PXDNL: variants seen among roughly 807,000 people sequenced by gnomAD.
The protein encoded by PXDNL is probable oxidoreductase PXDNL.
Under a neutral mutation model 150.8 loss-of-function variants are expected in PXDNL, and 145 were observed. The observed-to-expected ratio is 0.96, with a 90% confidence interval of 0.84 to 1.10. PXDNL has a LOEUF of 1.10. PXDNL is among the 50% of genes least tolerant of loss of function. The pLI, the probability that PXDNL is intolerant of heterozygous loss-of-function variation, is 0.00. For missense variants in PXDNL, 2,087 were observed against 1,873.9 expected, an observed-to-expected ratio of 1.11 and a Z score of -2.10; for synonymous variants, 757 against 725.7, an observed-to-expected ratio of 1.04 and a Z score of -0.69.
chr8:51,726,590 C>G (rs2130926200), intron 1 of PXDNL, among the ~76,000 whole-genome samples: 2 of 152,302 alleles, frequency 1.3e-5, no homozygotes, highest in South Asian at 4.1e-4. Flanking sequence ...TGCCGTTCAC[C>G]TGAACTATTC....
At chr8:51,707,178 G>A (rs753707823) in intron 1 of PXDNL, among the ~76,000 whole-genome samples, 9 of 151,962 alleles carry the variant, frequency 5.9e-5, no homozygotes, top group East Asian at 3.9e-4. Flanking sequence ...TGTTTTGCTC[G>A]CTCTCTCTCT....
Position 51,781,541 on chromosome 8 carries a change from T to C in PXDNL, c.164+27640A>G, listed in dbSNP as rs7822694. Among the ~76,000 whole-genome samples, 71 of 152,326 alleles carry C rather than the reference T, an allele frequency of 4.7e-4. 1 individual carries two copies. The highest frequency in any genetic ancestry group is 3.4e-3 in the Middle Eastern group (1 of 294). ...AGTTGTAGGGTTTGGTCTCTTGATA[T>C]TGATTCACTTTACAATTTTTCTGAT... On this transcript the variant is annotated intron_variant, in intron 1 of 22. Coordinates refer to ENST00000356297, the MANE Select transcript of PXDNL (RefSeq NM_144651.5).
intron 1 of PXDNL, among the ~76,000 whole-genome samples, chr8:51,720,838 G>T (rs897963210): frequency 1.3e-5 from 2 of 152,230 alleles, no homozygotes; most frequent in African/African-American, 4.8e-5. Flanking sequence ...CCCTGTGCAG[G>T]CTCCTGCCTA....
chr8:51,726,567 CA>C (rs1816821123), intron 1 of PXDNL, among the ~76,000 whole-genome samples: 1 of 152,174 alleles, frequency 6.6e-6, no homozygotes, highest in South Asian at 2.1e-4. Context: ...CCTTTTTATT[CA>C]TCACTATTCT....
intron 4 of PXDNL, among the ~76,000 whole-genome samples, chr8:51,520,841 G>A (rs1003194741): frequency 3.9e-5 from 6 of 152,000 alleles, no homozygotes; most frequent in African/African-American, 1.5e-4. Context: ...TCATAAAAAC[G>A]CAAACATTCC....
At chr8:51,699,157 T>C (rs1294931214) in intron 1 of PXDNL, among the ~76,000 whole-genome samples, 1 of 152,146 alleles carries the variant, frequency 6.6e-6, no homozygotes, top group East Asian at 1.9e-4. Context: ...AGTCAATCTG[T>C]CCTTCGAAGA....
At chr8:51,335,366 C>G (rs573036173) in intron 21 of PXDNL, among the ~76,000 whole-genome samples, 1 of 151,956 alleles carries the variant, frequency 6.6e-6, no homozygotes, top group Non-Finnish European at 1.5e-5. Flanking sequence ...TGGAAGGAGA[C>G]GCCGATACTA....
At chr8:51,690,276 T>C (rs569041176) in intron 1 of PXDNL, among the ~76,000 whole-genome samples, 22 of 152,070 alleles carry the variant, frequency 1.4e-4, no homozygotes, top group Non-Finnish European at 2.8e-4. Flanking sequence ...CCCATTAACT[T>C]GTCATTTAGC....
intron 1 of PXDNL, among the ~76,000 whole-genome samples, chr8:51,802,705 G>C (rs1287830875): frequency 1.3e-5 from 2 of 152,166 alleles, no homozygotes; most frequent in Non-Finnish European, 2.9e-5. Flanking sequence ...TCTGTGATTT[G>C]AATTTTGGTC....
At chr8:51,344,472 G>C (rs1182921477) in intron 20 of PXDNL, among the ~76,000 whole-genome samples, 1 of 151,868 alleles carries the variant, frequency 6.6e-6, no homozygotes, top group Non-Finnish European at 1.5e-5. Flanking sequence ...TTTCAGACTT[G>C]GACTCCCCTA....
intron 3 of PXDNL, among the ~76,000 whole-genome samples, chr8:51,580,168 G>A (rs1449657608): frequency 6.6e-6 from 1 of 152,000 alleles, no homozygotes; most frequent in African/African-American, 2.4e-5. Context: ...TGGGCAGAGG[G>A]AAGCGAATGC....
chr8:51,744,272 G>A (rs1481923854), intron 1 of PXDNL, among the ~76,000 whole-genome samples: 2 of 88,532 alleles, frequency 2.3e-5, no homozygotes, highest in Non-Finnish European at 4.6e-5. Context: ...GAGAAAGAAA[G>A]GAAGGAAGGA....
chr8:51,485,009 G>A (rs1810697036), intron 5 of PXDNL, among the ~76,000 whole-genome samples: 1 of 152,170 alleles, frequency 6.6e-6, no homozygotes, highest in Admixed American at 6.5e-5. Context: ...ATTTATATCT[G>A]AAACTTAACT....
intron 3 of PXDNL, among the ~76,000 whole-genome samples, chr8:51,573,807 T>TA (rs1338682342): frequency 2.0e-5 from 3 of 151,882 alleles, no homozygotes; most frequent in Non-Finnish European, 4.4e-5. Context: ...AATGTGACTG[T>TA]ATTTGAAGAT....
intron 3 of PXDNL, among the ~76,000 whole-genome samples, chr8:51,559,706 G>T (rs1476125638): frequency 1.3e-5 from 2 of 151,930 alleles, no homozygotes; most frequent in Non-Finnish European, 2.9e-5. Flanking sequence ...ATCCTGATGA[G>T]AACTTAAGAT....
intron 2 of PXDNL, among the ~76,000 whole-genome samples, chr8:51,623,670 C>T (rs1371344894): frequency 6.6e-5 from 10 of 152,198 alleles, no homozygotes; most frequent in Non-Finnish European, 1.3e-4. Context: ...TCGGCAGGAC[C>T]GAGTGTGCAG....
chr8:51,518,799 C>G (rs1263299815), intron 4 of PXDNL, among the ~76,000 whole-genome samples: 1 of 152,040 alleles, frequency 6.6e-6, no homozygotes, highest in Non-Finnish European at 1.5e-5. Context: ...GAGGATGAGT[C>G]TGACAGAGAC....
chr8:51,321,026 G>A, intron 21 of PXDNL, 129 bp from the exon 22 acceptor site: 1 of 684,948 alleles, frequency 1.5e-6, no homozygotes, highest in Non-Finnish European at 2.5e-6. Context: ...AAACTTCAAA[G>A]CCTACATAAT....
At chr8:51,476,344 T>C (rs1340360940) in intron 6 of PXDNL, among the ~76,000 whole-genome samples, 1 of 152,198 alleles carries the variant, frequency 6.6e-6, no homozygotes, top group African/African-American at 2.4e-5. Context: ...TGGATAGGCA[T>C]GTGTTCTCTG....
Sources: allele counts gnomAD v4.1 joint callset (sites outside exome capture counted in the v4.1 genomes callset), GRCh38; gene constraint gnomAD v4.1.1; transcripts MANE v1.5; gene names NCBI Gene and HGNC (gene_info 2026-07-23, HGNC 2026-07-21).